BRAF: variants seen among roughly 807,000 people sequenced by gnomAD.
The protein encoded by BRAF is B-Raf proto-oncogene, serine/threonine kinase.
In BRAF, 16 loss-of-function variants were observed where a neutral mutation model predicts 104.6. The observed-to-expected ratio is 0.15, with a 90% CI of 0.10 to 0.23. The LOEUF (loss-of-function observed/expected upper bound fraction) is 0.23, where lower values mean the gene tolerates loss of function less well. BRAF is among the 10% of genes least tolerant of loss of function. The pLI is 1.00. For synonymous variants in BRAF, 310 were observed against 341.6 expected (o/e 0.91, Z 1.02); for missense variants, 541 against 937.3 (o/e 0.58, Z 5.52).
At chr7:140,903,361 C>A (rs975956563) in intron 1 of BRAF, among the ~76,000 whole-genome samples, 3 of 152,176 alleles carry the variant, frequency 2.0e-5, no homozygotes, top group African/African-American at 7.2e-5. Flanking sequence ...GTAAATGGAA[C>A]AATGAAGCCT....
At chr7:140,766,714 A>G (rs1472004313) in intron 14 of BRAF, among the ~76,000 whole-genome samples, 2 of 151,124 alleles carry the variant, frequency 1.3e-5, no homozygotes, top group Admixed American at 1.3e-4. Flanking sequence ...CCACATCTGG[A>G]TAATTTTTGT....
At chr7:140,715,778 T>C (rs148341231), downstream of BRAF, among the ~76,000 whole-genome samples, 2 of 152,324 alleles carry the variant, frequency 1.3e-5, no homozygotes, top group African/African-American at 4.8e-5. Flanking sequence ...TGGCAATATA[T>C]AGTTACAGGA....
At chr7:140,892,939 T>C (rs1217519443) in intron 1 of BRAF, among the ~76,000 whole-genome samples, 4 of 152,160 alleles carry the variant, frequency 2.6e-5, no homozygotes, top group African/African-American at 9.7e-5. Context: ...ACATAAGATA[T>C]AAAAGGTTAA....
chr7:140,829,020 T>C (rs1404961155), intron 3 of BRAF, among the ~76,000 whole-genome samples: 1 of 152,330 alleles, frequency 6.6e-6, no homozygotes, highest in Non-Finnish European at 1.5e-5. Context: ...TTGGATTTCA[T>C]CTTATACGAA....
chr7:140,852,246 G>A (rs1475095400), intron 1 of BRAF, among the ~76,000 whole-genome samples: 1 of 151,922 alleles, frequency 6.6e-6, no homozygotes, highest in Non-Finnish European at 1.5e-5. Flanking sequence ...GTGCATGCCT[G>A]TAGTCCCAGG....
intron 9 of BRAF, among the ~76,000 whole-genome samples, chr7:140,787,197 A>T (rs951237964): frequency 6.8e-6 from 1 of 146,200 alleles, no homozygotes; most frequent in South Asian, 2.3e-4. Flanking sequence ...GCTACTCGGG[A>T]GGCTGAGGCA....
intron 14 of BRAF, among the ~76,000 whole-genome samples, chr7:140,755,850 C>T (rs375995474): frequency 6.6e-6 from 1 of 151,302 alleles, no homozygotes; most frequent in Non-Finnish European, 1.5e-5. Flanking sequence ...GTCCTGCACT[C>T]AGAGAGACCT....
At chr7:140,777,677 C>G (rs781714543) in intron 13 of BRAF, among the ~76,000 whole-genome samples, 1 of 152,130 alleles carries the variant, frequency 6.6e-6, no homozygotes, top group East Asian at 1.9e-4. Flanking sequence ...TAAATACCAC[C>G]TCTAAATGTA....
chr7:140,771,177 A>G (rs1184487120), intron 14 of BRAF, among the ~76,000 whole-genome samples: 1 of 152,072 alleles, frequency 6.6e-6, no homozygotes, highest in African/African-American at 2.4e-5. Flanking sequence ...TGAAAGTCCT[A>G]ATGATTCAAC....
intron 2 of BRAF, chr7:140,836,371 G>T (rs934040721): frequency 9.2e-5 from 14 of 152,118 alleles, no homozygotes; most frequent in African/African-American, 3.4e-4. Flanking sequence ...AAGTCTGAAT[G>T]TAAGGGAGGA....
intron 7 of BRAF, among the ~76,000 whole-genome samples, chr7:140,796,853 G>A (rs1802541994): frequency 6.6e-6 from 1 of 152,104 alleles, no homozygotes. Context: ...TACAAAAGAA[G>A]AGTGAGTGGT....
At chr7:140,882,371 CTT>C (rs1232247923) in intron 1 of BRAF, among the ~76,000 whole-genome samples, 52 of 126,598 alleles carry the variant, frequency 4.1e-4, no homozygotes, top group Middle Eastern at 4.0e-3. Flanking sequence ...ATCAAAGTAT[CTT>C]TTTTTTTTTT....
Position 140,721,776 on chromosome 7 carries a change from G to A in BRAF, c.*4718C>T. 3 of 1,449,928 alleles carry A rather than the reference G, an allele frequency of 2.1e-6. No individual in the cohort carries two copies. The highest frequency in any genetic ancestry group is 1.8e-4 in the Middle Eastern group (1 of 5,608). 89.8% of individuals were successfully genotyped at this position (1,449,928 alleles called of 1,614,324 possible). ...AAACAAGATACAAGAACCACAGCAT[G>A]GAATATGTTTTCTTTTACATCCAAT... is the stretch of plus-strand genomic sequence containing the variant. On this transcript the variant is annotated 3_prime_UTR_variant, in exon 20 of 20. Transcript: ENST00000644969.
chr7:140,765,044 A>G (rs1483343039), intron 14 of BRAF, among the ~76,000 whole-genome samples: 2 of 152,212 alleles, frequency 1.3e-5, no homozygotes, highest in Non-Finnish European at 2.9e-5. Flanking sequence ...CCTGACTGCA[A>G]ACTATACTAC....
At chr7:140,826,396 A>T (rs1489120770) in intron 3 of BRAF, among the ~76,000 whole-genome samples, 1 of 152,222 alleles carries the variant, frequency 6.6e-6, no homozygotes, top group East Asian at 1.9e-4. Flanking sequence ...AAATCTGAAC[A>T]AATGGTACAA....
intron 1 of BRAF, among the ~76,000 whole-genome samples, chr7:140,850,752 G>C (rs1809075439): frequency 6.6e-6 from 1 of 152,082 alleles, no homozygotes; most frequent in African/African-American, 2.4e-5. Context: ...TATTTCAACA[G>C]TCTCTAAACT....
chr7:140,746,885 C>T (rs1184097545), intron 17 of BRAF, among the ~76,000 whole-genome samples: 1 of 151,432 alleles, frequency 6.6e-6, no homozygotes, highest in African/African-American at 2.4e-5. Context: ...GGTAGGTAGA[C>T]CTAGTCTACC....
Position 140,719,461 on chromosome 7 carries a change from G to C in BRAF, c.*7033C>G. ...ACACAGAAATAAATTTCTTCAATCT[G>C]AATTTCAGCTATCTTTTTTTATTCT... On this transcript the variant is annotated 3_prime_UTR_variant, in exon 20 of 20. Transcript: ENST00000644969. The C allele has an allele frequency of 2.0e-6, 2 of 1,016,686 alleles. No homozygotes were observed. Among genetic ancestry groups the C allele is most frequent in the Non-Finnish European group, 2.4e-6 (2 of 842,202 alleles). The allele number at this position is 1,016,686 out of a possible 1,614,324, so 63.0% of individuals were successfully genotyped here.
At chr7:140,785,584 C>T (rs940281947) in intron 10 of BRAF, 1 of 395,600 alleles carries the variant, frequency 2.5e-6, no homozygotes, top group African/African-American at 2.1e-5. Flanking sequence ...GTACTGAAAA[C>T]TTTCACACTT....
Sources: allele counts gnomAD v4.1 joint callset (sites outside exome capture counted in the v4.1 genomes callset), GRCh38; gene constraint gnomAD v4.1.1; transcripts MANE v1.5; gene names NCBI Gene and HGNC (gene_info 2026-07-23, HGNC 2026-07-21).